IL12RB2: variants seen among roughly 807,000 people sequenced by gnomAD.
IL12RB2 encodes the protein interleukin 12 receptor subunit beta 2.
In IL12RB2, 82 loss-of-function variants were observed where a neutral mutation model predicts 89.4. That is an observed-to-expected ratio of 0.92 (90% CI 0.77 to 1.10). IL12RB2 has a LOEUF of 1.10. IL12RB2 is among the 50% of genes least tolerant of loss of function. IL12RB2 has a pLI of 0.00. For missense variants in IL12RB2, 963 were observed against 1,031.9 expected, an observed-to-expected ratio of 0.93 and a Z score of 0.92; for synonymous variants, 368 against 370.1, an observed-to-expected ratio of 0.99 and a Z score of 0.07.
chr1:67,345,056 A>T (rs1028633518), intron 9 of IL12RB2, among the ~76,000 whole-genome samples: 1 of 152,132 alleles, frequency 6.6e-6, no homozygotes, highest in Non-Finnish European at 1.5e-5. Context: ...CTGTAATTCC[A>T]GCTACTCAAG....
In IL12RB2 at chr1:67,372,006, AT is replaced by A. The variant is rs17838060; in HGVS notation, c.1460-429del. Among the ~76,000 whole-genome samples, 269 of 152,296 alleles carry A rather than the reference AT, an allele frequency of 1.8e-3. 1 individual carries two copies. Among genetic ancestry groups the A allele is most frequent in the African/African-American group, 6.3e-3 (260 of 41,550 alleles). On this transcript the variant is annotated intron_variant, in intron 11 of 16. Coordinates refer to ENST00000674203, the MANE Select transcript of IL12RB2 (RefSeq NM_001374259.2). ...AACAGCAAATGCTTTATTTGTAGGA[AT>A]CAAAAGGTTTTTTTTCTTGAAGGCA...
At chr1:67,363,492 A>C (rs1250578897) in intron 10 of IL12RB2, among the ~76,000 whole-genome samples, 1 of 152,204 alleles carries the variant, frequency 6.6e-6, no homozygotes, top group Non-Finnish European at 1.5e-5. Flanking sequence ...CTGGGATTAC[A>C]GGCATGAGCC....
At chr1:67,328,042 T>C (rs1343990952) in intron 5 of IL12RB2, among the ~76,000 whole-genome samples, 158 bp from the exon 6 acceptor site, 2 of 152,270 alleles carry the variant, frequency 1.3e-5, no homozygotes, top group African/African-American at 4.8e-5. Context: ...TACATGACCA[T>C]ATAGTACAAA....
At chr1:67,374,777 C>CTTTTTT (rs35122967) in intron 13 of IL12RB2, among the ~76,000 whole-genome samples, 5 of 53,866 alleles carry the variant, frequency 9.3e-5, no homozygotes, top group African/African-American at 3.6e-4. Context: ...AGCCCAGCCT[C>CTTTTTT]TTTTTTTTTT....
chr1:67,313,098 T>C (rs1485985496), intron 1 of IL12RB2, among the ~76,000 whole-genome samples: 1 of 152,262 alleles, frequency 6.6e-6, no homozygotes, highest in Non-Finnish European at 1.5e-5. Context: ...AATGGTAGAC[T>C]TGGAATGAAA....
chr1:67,391,883 T>C (rs893778771), intron 16 of IL12RB2, among the ~76,000 whole-genome samples: 7 of 152,142 alleles, frequency 4.6e-5, no homozygotes, highest in African/African-American at 1.7e-4. Context: ...GACCTCGTGA[T>C]CCACCCGCCT....
chr1:67,379,834 A>G, intron 13 of IL12RB2, 152 bp from the exon 14 acceptor site: 2 of 664,168 alleles, frequency 3.0e-6, no homozygotes, highest in Non-Finnish European at 5.4e-6. Flanking sequence ...CTATTAAGGT[A>G]TTAAGTACTG....
chr1:67,367,535 G>GAGGGAAGGAAGGA (rs1191718199), intron 10 of IL12RB2, among the ~76,000 whole-genome samples: 18 of 144,832 alleles, frequency 1.2e-4, no homozygotes, highest in Admixed American at 8.3e-4. Flanking sequence ...GGGAGGAAGG[G>GAGGGAAGGAAGGA]AGGGAAGGAA....
intron 8 of IL12RB2, among the ~76,000 whole-genome samples, chr1:67,334,371 C>A (rs1658480763): frequency 6.6e-6 from 1 of 152,220 alleles, no homozygotes; most frequent in Non-Finnish European, 1.5e-5. Flanking sequence ...ATGCAAGCTG[C>A]CATTGACAAT....
chr1:67,368,543 A>C (rs1662955611), intron 11 of IL12RB2, among the ~76,000 whole-genome samples: 1 of 152,248 alleles, frequency 6.6e-6, no homozygotes, highest in Non-Finnish European at 1.5e-5. Context: ...TCTATAAGAC[A>C]ATTGGTATTT....
intron 9 of IL12RB2, among the ~76,000 whole-genome samples, chr1:67,348,846 C>T (rs1477773335): frequency 3.3e-5 from 5 of 152,120 alleles, no homozygotes; most frequent in African/African-American, 7.2e-5. Flanking sequence ...AAAGGATAAT[C>T]GTTATTCCAA....
At position 67,350,941 on chromosome 1, in the gene IL12RB2, G is replaced by T. The variant is rs765032747; in HGVS notation, c.1110G>T (p.Gly370=). Residue 370 remains glycine, a synonymous_variant, in exon 10 of 17, where the codon GGG becomes GGT. Coordinates refer to ENST00000674203, the MANE Select transcript of IL12RB2 (RefSeq NM_001374259.2). ...YQVTLQELTG[G]KAMTQNITGH... is the part of the protein sequence containing the mutation. Reference sequence around the variant, plus strand: ...TGACCTTGCAGGAGCTGACAGGAGGGAAAGCCATGACACAGAACATCACAG... The same window carrying T: ...TGACCTTGCAGGAGCTGACAGGAGGTAAAGCCATGACACAGAACATCACAG... The T allele has an allele frequency of 1.2e-6, 2 of 1,614,008 alleles. No individual in the cohort carries two copies. The highest frequency in any genetic ancestry group is 8.5e-7 in the Non-Finnish European group (1 of 1,180,000).
intron 8 of IL12RB2, among the ~76,000 whole-genome samples, chr1:67,331,857 A>C (rs1481438740): frequency 2.6e-5 from 4 of 152,122 alleles, no homozygotes; most frequent in Non-Finnish European, 5.9e-5. Context: ...ATAAATAAAT[A>C]AATAAATGCA....
intron 5 of IL12RB2, 61 bp from the exon 6 acceptor site, chr1:67,328,139 A>T: frequency 8.9e-7 from 1 of 1,127,532 alleles, no homozygotes; most frequent in Non-Finnish European, 1.4e-6. Context: ...GTTCTTTTCT[A>T]CTGTAAGTAG....
At position 67,392,687 on chromosome 1, in the gene IL12RB2, G is replaced by A. The variant is rs145859285; in HGVS notation, c.2046+2559G>A. Among the ~76,000 whole-genome samples, 807 of 141,462 alleles carry A rather than the reference G, an allele frequency of 5.7e-3. 4 individuals are homozygous for A. Among genetic ancestry groups the A allele is most frequent in the African/African-American group, 0.021 (780 of 36,736 alleles). The allele number at this position is 141,462 out of a possible 152,430, so 92.8% of individuals were successfully genotyped here. ...CGCTTTGTTGCCAGGCTGGAGTGCA[G>A]TGGCACTATCTCGGCTCACCGCAAG... On this transcript the variant is annotated intron_variant, in intron 16 of 16. Transcript: ENST00000674203.
intron 10 of IL12RB2, among the ~76,000 whole-genome samples, chr1:67,357,239 G>T (rs1266576219): frequency 6.6e-6 from 1 of 152,120 alleles, no homozygotes; most frequent in East Asian, 1.9e-4. Flanking sequence ...TTAGCTGGGT[G>T]TGATGGCGCA....
At chr1:67,343,504 A>G (rs1659885928) in intron 9 of IL12RB2, among the ~76,000 whole-genome samples, 1 of 152,190 alleles carries the variant, frequency 6.6e-6, no homozygotes, top group Non-Finnish European at 1.5e-5. Context: ...AAAGTAAAAA[A>G]TGTTGCTTGA....
chr1:67,338,540 T>G (rs141228700), intron 8 of IL12RB2, 84 bp from the exon 9 acceptor site: 1 of 770,966 alleles, frequency 1.3e-6, no homozygotes, highest in African/African-American at 1.7e-5. Flanking sequence ...AATTCTACTC[T>G]TCCAGAATTG....
chr1:67,352,128 T>C (rs568489795), intron 10 of IL12RB2, among the ~76,000 whole-genome samples: 1 of 152,284 alleles, frequency 6.6e-6, no homozygotes, highest in African/African-American at 2.4e-5. Context: ...TTAGATAAAA[T>C]ACTTAGAAGA....
Sources: gnomAD v4.1 joint callset for allele counts (sites outside exome capture counted in the v4.1 genomes callset) on GRCh38, gnomAD v4.1.1 for gene constraint, MANE v1.5 for transcripts, NCBI Gene and HGNC (gene_info 2026-07-23, HGNC 2026-07-21) for gene names.